Variants in CXCL11 observed in about 807,000 individuals in gnomAD.
CXCL11 encodes the protein C-X-C motif chemokine 11.
Under a neutral mutation model 9.7 loss-of-function variants are expected in CXCL11, and 7 were observed. The observed-to-expected ratio is 0.72, with a 90% CI of 0.41 to 1.36. The LOEUF (loss-of-function observed/expected upper bound fraction) is 1.36, where lower values mean the gene tolerates loss of function less well. Ranked by LOEUF, CXCL11 falls within the 40% of genes most tolerant of loss-of-function variation. The probability of loss-of-function intolerance (pLI) is 0.01; values close to 1 mark genes in which losing one functional copy is unlikely to be tolerated. For synonymous variants in CXCL11, 35 were observed against 34.4 expected (o/e 1.02, Z -0.06); for missense variants, 107 against 113.4 (o/e 0.94, Z 0.26).
At position 76,035,117 on chromosome 4, in the gene CXCL11, ATACTGT is replaced by A. The variant is rs1235132573; in HGVS notation, c.189-4_190del. The A allele has an allele frequency of 1.1e-5, 18 of 1,589,072 alleles. No individual in the cohort carries two copies. Among genetic ancestry groups the A allele is most frequent in the Non-Finnish European group, 1.5e-5 (18 of 1,173,400 alleles). ...TTGTCCTTTATTTTCTTTCAGGGTA[ATACTGT>A]TAAAAGAACATACAAGAGTCTTAAA... On this transcript the variant is annotated splice_acceptor_variant and splice_polypyrimidine_tract_variant and coding_sequence_variant and intron_variant, in exon 3 of 4. Transcript: ENST00000306621. LOFTEE classifies it high-confidence loss of function.
chr4:76,034,507 A>T lies in CXCL11; in HGVS notation c.*286T>A. The T allele has an allele frequency of 1.9e-6, 1 of 522,886 alleles. No individual in the cohort carries two copies. Among genetic ancestry groups the T allele is most frequent in the Non-Finnish European group, 3.3e-6 (1 of 302,904 alleles). 32.4% of individuals were successfully genotyped at this position (522,886 alleles called of 1,614,324 possible). A position where few individuals can be genotyped will look rare whatever the true frequency, so the allele number is the denominator to read the frequency against. On this transcript the variant is annotated 3_prime_UTR_variant, in exon 4 of 4. Transcript: ENST00000306621. ...AAAGCACTTTGTAAACTCCGATGGT[A>T]ACCAGCCTTTCTTAAGGTAGCTTTT...
Position 76,035,082 on chromosome 4 carries a change from T to A in CXCL11, c.226A>T (p.Asn76Tyr). Residue 76 changes from asparagine (N) to tyrosine (Y), a missense_variant, in exon 3 of 4, where the codon AAT becomes TAT. By Grantham distance (143) the Asn-to-Tyr change is moderately radical. Transcript: ENST00000306621. ...LKENKGQRCL[N>Y]PKSKQARLII... ...AGCCTTGCTTGCTTCGATTTGGGAT[T>A]TAGGCATCGTTGTCCTTTATTTTCT... The A allele has an allele frequency of 6.2e-7, 1 of 1,614,004 alleles. No individual in the cohort carries two copies. Among genetic ancestry groups the A allele is most frequent in the Non-Finnish European group, 8.5e-7 (1 of 1,179,886 alleles).
At chr4:76,035,450 G>A (rs1359239020) in intron 1 of CXCL11, 108 bp from the exon 2 acceptor site, 1 of 1,138,496 alleles carries the variant, frequency 8.8e-7, no homozygotes, top group African/African-American at 1.6e-5. Flanking sequence ...GGTAAAGATA[G>A]TAATTTGTCA....
Position 76,035,295 on chromosome 4 carries a change from C to G in CXCL11, c.109G>C (p.Val37Leu). The change falls in exon 2 of 4, where the codon GTA (valine) becomes CTA (leucine). Residue 37 changes from valine to leucine, a missense_variant. Val to Leu is a conservative substitution (Grantham distance 32, BLOSUM62 1). Coordinates refer to ENST00000306621, the MANE Select transcript of CXCL11 (RefSeq NM_005409.5). ...ATATCTGCCACTTTCACTGCTTTTACCCCAGGGCCTATGCAAAGACAGCGT... is the reference window on the plus strand; with the variant it reads ...ATATCTGCCACTTTCACTGCTTTTAGCCCAGGGCCTATGCAAAGACAGCGT... The part of the protein sequence containing the change: ...RGRCLCIGPG[V>L]KAVKVADIEK... 1 of 1,614,020 alleles carries G rather than the reference C, an allele frequency of 6.2e-7. No individual in the cohort carries two copies. Among genetic ancestry groups the G allele is most frequent in the South Asian group, 1.1e-5 (1 of 91,070 alleles).
At position 76,034,584 on chromosome 4, in the gene CXCL11, GTCAT is replaced by G. The variant is rs1734174146; in HGVS notation, c.*205_*208del. ...TCCTTTGGGCAGTGGAATTCTGATTGTCATTCATTCAGGAAGACTGTATTTCTGT... is the reference window on the plus strand; with the variant it reads ...TCCTTTGGGCAGTGGAATTCTGATTGTCATTCAGGAAGACTGTATTTCTGT... On this transcript the variant is annotated 3_prime_UTR_variant, in exon 4 of 4. Coordinates refer to ENST00000306621, the MANE Select transcript of CXCL11 (RefSeq NM_005409.5). 8.6e-6 allele frequency: 5 copies of G among 584,756 alleles called. No homozygotes were observed. In the South Asian group the frequency reaches 1.1e-4, roughly 13 times the overall value. 36.2% of individuals were successfully genotyped at this position (584,756 alleles called of 1,614,324 possible).
chr4:76,034,101 T>A lies in CXCL11; in HGVS notation c.*692A>T. Reference sequence around the variant, plus strand: ...TTTGCCAGTATCCCATAGCGTATAATTTTTTTCATAGTACATTTTATGAAT... The same window carrying A: ...TTTGCCAGTATCCCATAGCGTATAAATTTTTTCATAGTACATTTTATGAAT... On this transcript the variant is annotated 3_prime_UTR_variant, in exon 4 of 4. Coordinates refer to ENST00000306621, the MANE Select transcript of CXCL11 (RefSeq NM_005409.5). 1 of 204,632 alleles carries A rather than the reference T, an allele frequency of 4.9e-6. No homozygotes were observed. The highest frequency in any genetic ancestry group is 9.6e-6 in the Non-Finnish European group (1 of 103,656). 12.7% of individuals were successfully genotyped at this position (204,632 alleles called of 1,614,324 possible).
At chr4:76,034,959 T>C (rs1226416547) in intron 3 of CXCL11, 88 bp downstream of exon 3, 31 of 1,404,640 alleles carry the variant, frequency 2.2e-5, no homozygotes, top group Non-Finnish European at 4.0e-6. Flanking sequence ...TAGCAGAATC[T>C]TTCTGTAGTT....
intron 3 of CXCL11, 105 bp downstream of exon 3, chr4:76,034,942 A>G: frequency 2.2e-6 from 3 of 1,361,630 alleles, no homozygotes; most frequent in Non-Finnish European, 3.1e-6. Context: ...TATTTCACAC[A>G]GGATCATAGC....
At position 76,034,464 on chromosome 4, in the gene CXCL11, G is replaced by A. The variant is rs13130221; in HGVS notation, c.*329C>T. On this transcript the variant is annotated 3_prime_UTR_variant, in exon 4 of 4. Transcript: ENST00000306621. Reference sequence around the variant, plus strand: ...GCCTAGAAATGCATGAATGTATAATGCAACAAGTAAGAACGTGAAAGCACT... The same window carrying A: ...GCCTAGAAATGCATGAATGTATAATACAACAAGTAAGAACGTGAAAGCACT... The A allele has an allele frequency of 0.58, 294,256 of 508,534 alleles. 89,052 individuals carry two copies. Among genetic ancestry groups the A allele is most frequent in the East Asian group, 0.93 (27,647 of 29,720 alleles). 31.5% of individuals were successfully genotyped at this position (508,534 alleles called of 1,614,324 possible). A position where few individuals can be genotyped will look rare whatever the true frequency, so the allele number is the denominator to read the frequency against.
At position 76,035,177 on chromosome 4, in the gene CXCL11, G is replaced by A; in HGVS notation, c.188+39C>T. The A allele has an allele frequency of 1.9e-6, 3 of 1,613,716 alleles. No homozygotes were observed. In the Admixed American group the frequency reaches 5.0e-5, roughly 27 times the overall value. ...TAGATGCAAATACATAAACAAAAAA[G>A]CCTGCACCATTGTCATCTTCAGCAA... On this transcript the variant is annotated intron_variant, in intron 2 of 3. Coordinates refer to ENST00000306621, the MANE Select transcript of CXCL11 (RefSeq NM_005409.5).
At chr4:76,035,459 C>A in intron 1 of CXCL11, 117 bp from the exon 2 acceptor site, 1 of 1,000,930 alleles carries the variant, frequency 1.0e-6, no homozygotes, top group South Asian at 1.7e-5. Context: ...AGTAATTTGT[C>A]AAATAGCACT....
intron 3 of CXCL11, 108 bp from the exon 4 acceptor site, chr4:76,034,924 TAACAG>T: frequency 3.0e-6 from 4 of 1,350,788 alleles, no homozygotes; most frequent in Non-Finnish European, 4.2e-6. Flanking sequence ...AAGGACCCCT[TAACAG>T]AATATTTCAC....
At position 76,034,708 on chromosome 4, in the gene CXCL11, A is replaced by T. The variant is rs1734186378; in HGVS notation, c.*85T>A. ...AAAAGTCTCAGTTTCCTACTGTAGA[A>T]TTCTTGTCATTTCAGTAGTCACAGT... is the stretch of plus-strand genomic sequence containing the variant. On this transcript the variant is annotated 3_prime_UTR_variant, in exon 4 of 4. Transcript: ENST00000306621. 1 of 1,025,252 alleles carries T rather than the reference A, an allele frequency of 9.8e-7. No individual in the cohort carries two copies. Among genetic ancestry groups the T allele is most frequent in the Admixed American group, 2.3e-5 (1 of 44,176 alleles). The allele number at this position is 1,025,252 out of a possible 1,614,324, so 63.5% of individuals were successfully genotyped here.
chr4:76,034,952 C>T (rs934889474), intron 3 of CXCL11, 95 bp downstream of exon 3: 2 of 1,382,344 alleles, frequency 1.4e-6, no homozygotes, highest in Non-Finnish European at 2.0e-6. Flanking sequence ...AGGATCATAG[C>T]AGAATCTTTC....
In CXCL11 at chr4:76,034,642, T is replaced by C. The variant is rs1734180160; in HGVS notation, c.*151A>G. 1 of 682,724 alleles carries C rather than the reference T, an allele frequency of 1.5e-6. No homozygotes were observed. The highest frequency in any genetic ancestry group is 3.2e-5 in the Admixed American group (1 of 31,128). 42.3% of individuals were successfully genotyped at this position (682,724 alleles called of 1,614,324 possible). A position where few individuals can be genotyped will look rare whatever the true frequency, so the allele number is the denominator to read the frequency against. On this transcript the variant is annotated 3_prime_UTR_variant, in exon 4 of 4. Coordinates refer to ENST00000306621, the MANE Select transcript of CXCL11 (RefSeq NM_005409.5). ...TGGTCCTTTCACCCACCTTTCATCC[T>C]TCACATAACTGTACAAAAGTTGAAA...
intron 1 of CXCL11, 135 bp from the exon 2 acceptor site, chr4:76,035,477 A>T (rs4859597): frequency 0.55 from 429,400 of 774,730 alleles, 125,338 homozygotes; most frequent in East Asian, 0.93. Context: ...ACTTAACACA[A>T]CTGTTACTGG....
In CXCL11 at chr4:76,035,915, A is replaced by G. The variant is rs1560586744; in HGVS notation, c.61+12T>C. 1.2e-6 allele frequency: 2 copies of G among 1,610,602 alleles called. No homozygotes were observed. The highest frequency in any genetic ancestry group is 1.3e-5 in the African/African-American group (1 of 74,806). Reference sequence around the variant, plus strand: ...GGAACTTATAGGTTGAGAAATAAAAATTACTGCATACCTTGAACAACTGTA... The same window carrying G: ...GGAACTTATAGGTTGAGAAATAAAAGTTACTGCATACCTTGAACAACTGTA... On this transcript the variant is annotated intron_variant, in intron 1 of 3. Transcript: ENST00000306621.
At chr4:76,035,013 CAG>C in intron 3 of CXCL11, 32 bp downstream of exon 3, 4 of 1,564,038 alleles carry the variant, frequency 2.6e-6, no homozygotes, top group Non-Finnish European at 3.5e-6. Flanking sequence ...TTGGATAAAA[CAG>C]ATTATAACAT....
chr4:76,034,967 G>A, intron 3 of CXCL11, 80 bp downstream of exon 3: 1 of 1,427,418 alleles, frequency 7.0e-7, no homozygotes, highest in Non-Finnish European at 9.9e-7. Flanking sequence ...TCTTTCTGTA[G>A]TTGTCCACAT....
Sources: gnomAD v4.1 joint callset for allele counts on GRCh38, gnomAD v4.1.1 for gene constraint, MANE v1.5 for transcripts, NCBI Gene and HGNC (gene_info 2026-07-23, HGNC 2026-07-21) for gene names.